NPSR1: variants seen among roughly 807,000 people sequenced by gnomAD.
NPSR1 encodes neuropeptide S receptor 1, also known as neuropeptide S receptor.
In NPSR1, 48 loss-of-function variants were observed where a neutral mutation model predicts 46.9. The ratio of observed to expected loss-of-function variants is 1.02; its 90% confidence interval spans 0.81 to 1.30. The LOEUF (loss-of-function observed/expected upper bound fraction) is 1.30. NPSR1 is among the 50% of genes most tolerant of loss of function. The probability of loss-of-function intolerance (pLI) is 0.00; values close to 1 mark genes in which losing one functional copy is unlikely to be tolerated. For missense variants in NPSR1, 450 were observed against 449.5 expected, an observed-to-expected ratio of 1.00 and a Z score of -0.01; for synonymous variants, 176 against 168.1, an observed-to-expected ratio of 1.05 and a Z score of -0.36.
At chr7:34,848,239 C>A (rs1156437106) in intron 7 of NPSR1, among the ~76,000 whole-genome samples, 1 of 152,192 alleles carries the variant, frequency 6.6e-6, no homozygotes, top group Non-Finnish European at 1.5e-5. Context: ...CCCTTCTTTA[C>A]AGATAGAGAA....
Position 34,874,035 on chromosome 7 carries a change from T to C in NPSR1, c.1026-4041T>C, listed in dbSNP as rs967352096. Among the ~76,000 whole-genome samples the C allele has an allele frequency of 2.0e-5, 3 of 151,530 alleles. 1 individual carries two copies. The highest frequency in any genetic ancestry group is 7.3e-5 in the African/African-American group (3 of 40,922). On this transcript the variant is annotated intron_variant, in intron 8 of 8. Transcript: ENST00000359791. ...TGGCAAGAGCCCTAATGATACACAG[T>C]CTTCTCTTGAAAGAGGAGAAGACTG...
intron 4 of NPSR1, among the ~76,000 whole-genome samples, chr7:34,826,103 G>C (rs17789642): frequency 6.6e-6 from 1 of 151,976 alleles, no homozygotes; most frequent in East Asian, 1.9e-4. Flanking sequence ...CAAGGGACTC[G>C]AGTTTCCAAA....
At chr7:34,759,266 C>T (rs1242054594) in intron 2 of NPSR1, among the ~76,000 whole-genome samples, 1 of 151,936 alleles carries the variant, frequency 6.6e-6, no homozygotes, top group East Asian at 1.9e-4. Flanking sequence ...TGAATCAATG[C>T]TATAAAGGTT....
At chr7:34,779,775 A>T (rs1222535899) in intron 3 of NPSR1, 1 of 281,410 alleles carries the variant, frequency 3.6e-6, no homozygotes, top group Non-Finnish European at 7.0e-6. Context: ...ATTAGCAATC[A>T]ATTGCTGATA....
chr7:34,673,997 A>G (rs1293118588), intron 1 of NPSR1, among the ~76,000 whole-genome samples: 1 of 152,154 alleles, frequency 6.6e-6, no homozygotes, highest in Non-Finnish European at 1.5e-5. Flanking sequence ...TGGGTTACTC[A>G]GGGGTTGATA....
chr7:34,717,732 ATGT>A (rs1783649399), intron 2 of NPSR1, among the ~76,000 whole-genome samples: 1 of 152,222 alleles, frequency 6.6e-6, no homozygotes, highest in Non-Finnish European at 1.5e-5. Flanking sequence ...GGATTTCAGA[ATGT>A]ATAATGGTCA....
chr7:34,831,194 G>A (rs1259547004), intron 5 of NPSR1, among the ~76,000 whole-genome samples: 1 of 152,084 alleles, frequency 6.6e-6, no homozygotes, highest in East Asian at 1.9e-4. Flanking sequence ...TAAACAGTTG[G>A]TGAATATTAG....
intron 6 of NPSR1, among the ~76,000 whole-genome samples, chr7:34,839,454 G>A (rs79383845): frequency 0.16 from 24,961 of 152,080 alleles, 2,286 homozygotes; most frequent in Non-Finnish European, 0.21. Flanking sequence ...GTCAGAGTGC[G>A]GTATTGGCAC....
chr7:34,724,623 G>A (rs1370813829), intron 2 of NPSR1, among the ~76,000 whole-genome samples: 1 of 152,166 alleles, frequency 6.6e-6, no homozygotes, highest in African/African-American at 2.4e-5. Context: ...TGGAGTATCT[G>A]GTGGTCTGCA....
In NPSR1 at chr7:34,857,638, G is replaced by C. The variant is rs556114044; in HGVS notation, c.1025+8975G>C. 6.6e-5 allele frequency among the ~76,000 whole-genome samples: 10 copies of C among 151,722 alleles called. No individual in the cohort carries two copies. The South Asian group carries it at 1.9e-3, about 28-fold the overall frequency. On this transcript the variant is annotated intron_variant, in intron 8 of 8. Transcript: ENST00000359791. Reference sequence around the variant, plus strand: ...ACCTAAATTCACAAGACAATAGGACGCTGAAAAAATAATGTGACAAAACAC... The same window carrying C: ...ACCTAAATTCACAAGACAATAGGACCCTGAAAAAATAATGTGACAAAACAC...
chr7:34,756,981 G>A (rs576059579), intron 2 of NPSR1, among the ~76,000 whole-genome samples: 56 of 152,222 alleles, frequency 3.7e-4, no homozygotes, highest in African/African-American at 1.2e-3. Flanking sequence ...AGATAGTTAC[G>A]ATGATTAAGA....
chr7:34,769,572 C>T (rs191166403), intron 2 of NPSR1, among the ~76,000 whole-genome samples: 1 of 152,312 alleles, frequency 6.6e-6, no homozygotes, highest in East Asian at 1.9e-4. Context: ...GCTTAATATA[C>T]ACAAGCCAAG....
Position 34,827,571 on chromosome 7 carries a change from C to T in NPSR1, c.649C>T (p.Leu217=), listed in dbSNP as rs372478639. 76 of 1,442,212 alleles carry T rather than the reference C, an allele frequency of 5.3e-5. No homozygotes were observed. The highest frequency in any genetic ancestry group is 6.6e-5 in the Non-Finnish European group (71 of 1,073,224). The allele number at this position is 1,442,212 out of a possible 1,614,324, so 89.3% of individuals were successfully genotyped here. A position where few individuals can be genotyped will look rare whatever the true frequency, so the allele number is the denominator to read the frequency against. ...WTPYMTIVAF[L]VYFIPLTIIS... Reference sequence around the variant, plus strand: ...CCCATACATGACCATCGTGGCCTTCCTGGTGTACTTCATCCCTCTGACAAT... The same window carrying T: ...CCCATACATGACCATCGTGGCCTTCTTGGTGTACTTCATCCCTCTGACAAT... Residue 217 remains leucine (L), a synonymous_variant, in exon 5 of 9, where the codon CTG becomes TTG. Transcript: ENST00000360581.
At position 34,728,365 on chromosome 7, in the gene NPSR1, G is replaced by A. The variant is rs1422335838; in HGVS notation, c.280+43681G>A. Reference sequence around the variant, plus strand: ...TGGGCCAAGGAGGCATGCTGGAGGCGGGCTGGGCTGAGCTGGGTACATGAT... The same window carrying A: ...TGGGCCAAGGAGGCATGCTGGAGGCAGGCTGGGCTGAGCTGGGTACATGAT... On this transcript the variant is annotated intron_variant, in intron 2 of 8. Coordinates refer to ENST00000360581, the MANE Select transcript of NPSR1 (RefSeq NM_207172.2). Among the ~76,000 whole-genome samples the A allele has an allele frequency of 7.2e-5, 11 of 152,164 alleles. No individual in the cohort carries two copies. The East Asian group carries it at 9.6e-4, about 13-fold the overall frequency.
At chr7:34,807,243 C>A (rs1788741762) in intron 3 of NPSR1, among the ~76,000 whole-genome samples, 1 of 151,952 alleles carries the variant, frequency 6.6e-6, no homozygotes, top group Non-Finnish European at 1.5e-5. Context: ...CTTTTTAGAG[C>A]TATTGAGAGG....
At chr7:34,870,955 G>A (rs1791440562) in intron 8 of NPSR1, among the ~76,000 whole-genome samples, 1 of 151,760 alleles carries the variant, frequency 6.6e-6, no homozygotes, top group African/African-American at 2.4e-5. Flanking sequence ...TGGATGAAAG[G>A]AAGGGTAGAT....
chr7:34,865,789 C>T (rs1791300239), intron 8 of NPSR1, among the ~76,000 whole-genome samples: 1 of 151,662 alleles, frequency 6.6e-6, no homozygotes, highest in African/African-American at 2.4e-5. Context: ...GAGAAACAGC[C>T]CTTCTTGACC....
chr7:34,735,477 T>C (rs1784626703), intron 2 of NPSR1, among the ~76,000 whole-genome samples: 1 of 152,244 alleles, frequency 6.6e-6, no homozygotes, highest in Non-Finnish European at 1.5e-5. Flanking sequence ...TACATCAATA[T>C]ATGTTTGGAA....
At chr7:34,708,198 C>T (rs1208667513) in intron 2 of NPSR1, among the ~76,000 whole-genome samples, 2 of 152,192 alleles carry the variant, frequency 1.3e-5, no homozygotes, top group Non-Finnish European at 2.9e-5. Context: ...GCTAGTAACT[C>T]ATGGGAACTC....
Sources: gnomAD v4.1 joint callset for allele counts (sites outside exome capture counted in the v4.1 genomes callset) on GRCh38, gnomAD v4.1.1 for gene constraint, MANE v1.5 for transcripts, NCBI Gene and HGNC (gene_info 2026-07-23, HGNC 2026-07-21) for gene names.